The following PCDHA11 variants were observed in gnomAD, a reference collection of about 807,000 sequenced individuals.
PCDHA11 encodes the protein protocadherin alpha 11, also known as protocadherin alpha-11.
In PCDHA11, 61 loss-of-function variants were observed where a neutral mutation model predicts 70.3. The ratio of observed to expected loss-of-function variants is 0.87; its 90% CI spans 0.71 to 1.07. PCDHA11 has a LOEUF of 1.07. Among genes scored for constraint, PCDHA11 ranks in the 50% least tolerant of loss-of-function variants. The probability of loss-of-function intolerance (pLI) is 0.00; values close to 1 mark genes in which losing one functional copy is unlikely to be tolerated. For missense variants in PCDHA11, 1,324 were observed against 1,237.5 expected, an observed-to-expected ratio of 1.07 and a Z score of -1.05; for synonymous variants, 633 against 555.1, an observed-to-expected ratio of 1.14 and a Z score of -1.97.
At chr5:140,909,215 AC>A (rs1554193695) in intron 1 of PCDHA11, among the ~76,000 whole-genome samples, 1 of 152,160 alleles carries the variant, frequency 6.6e-6, no homozygotes, top group African/African-American at 2.4e-5. Flanking sequence ...GAGTTGATAT[AC>A]CCCTGAGGTA....
chr5:140,877,767 C>T, intron 1 of PCDHA11: 1 of 1,614,166 alleles, frequency 6.2e-7, no homozygotes, highest in Non-Finnish European at 8.5e-7. Context: ...AGAGCCCGCC[C>T]AAGACGGACC....
In PCDHA11 at chr5:140,869,562, A is replaced by T. The variant is rs373044645; in HGVS notation, c.459A>T (p.Pro153=). The T allele has an allele frequency of 3.1e-5, 50 of 1,614,050 alleles. No homozygotes were observed. Among genetic ancestry groups the T allele is most frequent in the Non-Finnish European group, 3.5e-5 (41 of 1,180,040 alleles). Residue 153 remains proline (P), a synonymous_variant, in exon 1 of 4, where the codon CCA becomes CCT. Coordinates refer to ENST00000398640, the MANE Select transcript of PCDHA11 (RefSeq NM_018902.5). The part of the protein sequence containing the change: ...AESKQSDSRF[P]LEGASDADIE... ...CTAAGCAATCGGACTCGCGTTTTCC[A>T]CTAGAGGGAGCTTCTGATGCTGACA...
At chr5:140,962,854 G>A (rs1396651838) in intron 1 of PCDHA11, among the ~76,000 whole-genome samples, 7 of 152,054 alleles carry the variant, frequency 4.6e-5, no homozygotes, top group African/African-American at 9.7e-5. Flanking sequence ...ACTTGTGCTC[G>A]GTTTGTAGAG....
intron 1 of PCDHA11, among the ~76,000 whole-genome samples, chr5:140,933,506 G>A (rs2089196836): frequency 6.6e-6 from 1 of 151,944 alleles, no homozygotes; most frequent in Non-Finnish European, 1.5e-5. Flanking sequence ...GTTAAGCAAA[G>A]ACTACAGCTG....
At chr5:140,893,548 C>T (rs2064047739) in intron 1 of PCDHA11, among the ~76,000 whole-genome samples, 1 of 152,126 alleles carries the variant, frequency 6.6e-6, no homozygotes, top group Non-Finnish European at 1.5e-5. Flanking sequence ...TAGGACTTAT[C>T]TAGTTGTAGT....
At chr5:141,004,142 G>C (rs1323224367) in intron 3 of PCDHA11, among the ~76,000 whole-genome samples, 1 of 152,214 alleles carries the variant, frequency 6.6e-6, no homozygotes, top group African/African-American at 2.4e-5. Flanking sequence ...TGCCCCAAAG[G>C]CATGACATTT....
In PCDHA11 at chr5:140,868,999, T is replaced by A. The variant is rs976594778; in HGVS notation, c.-105T>A. 4.7e-5 allele frequency: 72 copies of A among 1,518,578 alleles called. No individual in the cohort carries two copies. The highest frequency in any genetic ancestry group is 4.5e-4 in the African/African-American group (32 of 71,796). The allele number at this position is 1,518,578 out of a possible 1,614,324, so 94.1% of individuals were successfully genotyped here. The stretch of plus-strand genomic sequence containing the variant: ...CATACCGGATGCCACCGTTTAAGGA[T>A]CCTTTGAAACTTCTTAAGAATTCAA... On this transcript the variant is annotated 5_prime_UTR_variant, in exon 1 of 4. Coordinates refer to ENST00000398640, the MANE Select transcript of PCDHA11 (RefSeq NM_018902.5).
At chr5:140,886,101 A>G (rs1554182351) in intron 1 of PCDHA11, among the ~76,000 whole-genome samples, 1 of 152,228 alleles carries the variant, frequency 6.6e-6, no homozygotes, top group Admixed American at 6.5e-5. Context: ...ACATTGATAC[A>G]GTAAAGAAGT....
rs369670852 is a variant in PCDHA11, at chr5:140,928,571, C to G, written c.2392-50378C>G. 1.9e-5 allele frequency: 30 copies of G among 1,614,180 alleles called. 1 individual carries two copies. The African/African-American group carries it at 1.9e-4, about 10-fold the overall frequency. On this transcript the variant is annotated intron_variant, in intron 1 of 3. Transcript: ENST00000398640. ...TATCCGGTTATCTTGTTTCCCTTGC[C>G]CAGAAATGGTTCTGTCCCAGTGGAA...
chr5:140,886,705 A>T (rs1293719338), intron 1 of PCDHA11, among the ~76,000 whole-genome samples: 3 of 152,058 alleles, frequency 2.0e-5, no homozygotes, highest in Non-Finnish European at 2.9e-5. Flanking sequence ...ACGCGCCTGT[A>T]ATCCCAGCTA....
At chr5:140,975,439 T>C (rs1376325988) in intron 1 of PCDHA11, among the ~76,000 whole-genome samples, 2 of 152,222 alleles carry the variant, frequency 1.3e-5, no homozygotes, top group Non-Finnish European at 2.9e-5. Context: ...CACCAGGATA[T>C]AGGGATCTTG....
intron 1 of PCDHA11, chr5:140,930,385 C>T (rs1335168502): frequency 6.6e-6 from 1 of 151,798 alleles, no homozygotes; most frequent in Non-Finnish European, 1.5e-5. Flanking sequence ...CTTGGCATTT[C>T]AAAACTTCTT....
At chr5:140,893,984 AT>A (rs1305613741) in intron 1 of PCDHA11, among the ~76,000 whole-genome samples, 1 of 152,200 alleles carries the variant, frequency 6.6e-6, no homozygotes, top group South Asian at 2.1e-4. Context: ...TAATTTTAAA[AT>A]ATCTCCAATT....
chr5:140,978,894 C>G, intron 1 of PCDHA11, 55 bp from the exon 2 acceptor site: 1 of 1,612,598 alleles, frequency 6.2e-7, no homozygotes, highest in South Asian at 1.1e-5. Flanking sequence ...AGCAGCATTC[C>G]TGGGAGAACA....
intron 1 of PCDHA11, among the ~76,000 whole-genome samples, chr5:140,972,656 C>T (rs1428322208): frequency 6.9e-6 from 1 of 144,688 alleles, no homozygotes; most frequent in Non-Finnish European, 1.5e-5. Context: ...TAAAAAGAAA[C>T]CAAATTTTTT....
chr5:140,959,835 C>T (rs1554224346), intron 1 of PCDHA11, among the ~76,000 whole-genome samples: 2 of 152,042 alleles, frequency 1.3e-5, no homozygotes, highest in East Asian at 1.9e-4. Flanking sequence ...ATGTATTATG[C>T]CTGTAACTGC....
At chr5:140,991,026 T>A (rs1003749305) in intron 3 of PCDHA11, among the ~76,000 whole-genome samples, 8 of 152,210 alleles carry the variant, frequency 5.3e-5, no homozygotes, top group Admixed American at 2.0e-4. Context: ...ACTTTACATA[T>A]GTTGCATACT....
chr5:140,876,807 G>A (rs782408048), intron 1 of PCDHA11: 1 of 1,614,234 alleles, frequency 6.2e-7, no homozygotes, highest in South Asian at 1.1e-5. Context: ...CCGTGGAGGT[G>A]GCCGACGTGA....
At chr5:140,892,086 C>T (rs965682257) in intron 1 of PCDHA11, among the ~76,000 whole-genome samples, 1 of 152,156 alleles carries the variant, frequency 6.6e-6, no homozygotes, top group Non-Finnish European at 1.5e-5. Context: ...CTAGTTTCCT[C>T]TCGAAACTTT....
Sources: gnomAD v4.1 joint callset for allele counts (sites outside exome capture counted in the v4.1 genomes callset) on GRCh38, gnomAD v4.1.1 for gene constraint, MANE v1.5 for transcripts, NCBI Gene and HGNC (gene_info 2026-07-23, HGNC 2026-07-21) for gene names.